Variants in CPA6 observed in about 807,000 individuals in gnomAD.
CPA6 encodes the protein carboxypeptidase B.
A neutral mutation model predicts 63.3 loss-of-function variants in CPA6; 58 were observed. The observed-to-expected ratio is 0.92, with a 90% CI of 0.74 to 1.14. The LOEUF (loss-of-function observed/expected upper bound fraction) is 1.14. Ranked by LOEUF, CPA6 falls within the 50% of genes most tolerant of loss-of-function variation. The pLI is 0.00. For missense variants in CPA6, 565 were observed against 526.6 expected (o/e 1.07, Z -0.71); for synonymous variants, 185 against 179.0 (o/e 1.03, Z -0.27).
chr8:67,743,150 G>C (rs906339920), intron 1 of CPA6, among the ~76,000 whole-genome samples: 2 of 152,106 alleles, frequency 1.3e-5, no homozygotes, highest in Non-Finnish European at 2.9e-5. Flanking sequence ...TTGACATAAA[G>C]TACCAATAAA....
At chr8:67,631,206 T>C in intron 1 of CPA6, among the ~76,000 whole-genome samples, 1 of 152,208 alleles carries the variant, frequency 6.6e-6, no homozygotes, top group East Asian at 1.9e-4. Flanking sequence ...CTTGGAGAAC[T>C]TTTATGTCTA....
chr8:67,521,783 G>A (rs535132899), intron 2 of CPA6, among the ~76,000 whole-genome samples: 12 of 152,254 alleles, frequency 7.9e-5, no homozygotes, highest in Admixed American at 2.6e-4. Flanking sequence ...CTAGCACAAA[G>A]TCAAATGGCT....
At chr8:67,478,009 G>T (rs995390121) in intron 8 of CPA6, among the ~76,000 whole-genome samples, 4 of 152,140 alleles carry the variant, frequency 2.6e-5, no homozygotes, top group African/African-American at 9.7e-5. Flanking sequence ...GTGGCTGGGG[G>T]TCCCTAGGGA....
At chr8:67,662,430 A>ACATACACACACGTATATGTATATATAG (rs1816131538) in intron 1 of CPA6, among the ~76,000 whole-genome samples, 5 of 145,162 alleles carry the variant, frequency 3.4e-5, no homozygotes, top group African/African-American at 1.3e-4. Flanking sequence ...TATATAGAAT[A>ACATACACACACGTATATGTATATATAG]CATACACACG....
intron 1 of CPA6, among the ~76,000 whole-genome samples, chr8:67,701,229 G>C (rs1004756600): frequency 6.6e-6 from 1 of 152,108 alleles, no homozygotes; most frequent in African/African-American, 2.4e-5. Flanking sequence ...TTGCTGCCTG[G>C]AACTTTGCAG....
intron 10 of CPA6, among the ~76,000 whole-genome samples, chr8:67,425,539 T>C (rs982128235): frequency 2.6e-5 from 4 of 152,122 alleles, no homozygotes; most frequent in Admixed American, 6.5e-5. Flanking sequence ...CATGCCCAGC[T>C]AATTTTTTGT....
At chr8:67,497,479 T>TA (rs1811744528) in intron 6 of CPA6, among the ~76,000 whole-genome samples, 1 of 152,176 alleles carries the variant, frequency 6.6e-6, no homozygotes, top group African/African-American at 2.4e-5. Flanking sequence ...GTTATACCAA[T>TA]AAAAAAACTA....
At chr8:67,606,464 C>T (rs932522728) in intron 2 of CPA6, among the ~76,000 whole-genome samples, 9 of 152,090 alleles carry the variant, frequency 5.9e-5, no homozygotes, top group African/African-American at 1.7e-4. Flanking sequence ...CAGTTTTCTC[C>T]AATAGGTCCA....
intron 2 of CPA6, among the ~76,000 whole-genome samples, chr8:67,588,984 G>A (rs886439603): frequency 6.6e-6 from 1 of 152,006 alleles, no homozygotes; most frequent in Non-Finnish European, 1.5e-5. Flanking sequence ...GGGCATGGTC[G>A]TTCATGCCTG....
At chr8:67,449,276 A>G (rs1810502315) in intron 8 of CPA6, among the ~76,000 whole-genome samples, 1 of 152,164 alleles carries the variant, frequency 6.6e-6, no homozygotes, top group South Asian at 2.1e-4. Context: ...AGTGTAATGC[A>G]TGTGTGGATC....
intron 2 of CPA6, among the ~76,000 whole-genome samples, chr8:67,584,945 C>T (rs765708655): frequency 1.3e-5 from 2 of 151,842 alleles, no homozygotes; most frequent in African/African-American, 2.4e-5. Context: ...TACCATTAGC[C>T]GATTAGCAAG....
At chr8:67,462,780 A>G (rs958665343) in intron 8 of CPA6, among the ~76,000 whole-genome samples, 2 of 152,222 alleles carry the variant, frequency 1.3e-5, no homozygotes, top group African/African-American at 4.8e-5. Flanking sequence ...AGATAGGTAG[A>G]GAAAAATACA....
At chr8:67,506,246 G>A (rs957505427) in intron 6 of CPA6, among the ~76,000 whole-genome samples, 7 of 152,144 alleles carry the variant, frequency 4.6e-5, no homozygotes, top group Non-Finnish European at 1.0e-4. Context: ...AGTCATCAAC[G>A]ATTAGGGTTA....
At chr8:67,663,492 A>G (rs565273479) in intron 1 of CPA6, among the ~76,000 whole-genome samples, 3 of 152,046 alleles carry the variant, frequency 2.0e-5, no homozygotes, top group Non-Finnish European at 4.4e-5. Flanking sequence ...CCCAACATGC[A>G]TTAGCTATTT....
chr8:67,733,152 G>A (rs1477333300), intron 1 of CPA6, among the ~76,000 whole-genome samples: 3 of 118,396 alleles, frequency 2.5e-5, no homozygotes, highest in Non-Finnish European at 4.9e-5. Flanking sequence ...GCCGAGATTC[G>A]CACCACTGCA....
chr8:67,560,445 C>T (rs1813180783), intron 2 of CPA6, among the ~76,000 whole-genome samples: 1 of 152,136 alleles, frequency 6.6e-6, no homozygotes, highest in South Asian at 2.1e-4. Flanking sequence ...TAACAGTCTT[C>T]TGCAAGTCCT....
At chr8:67,715,106 T>C (rs1028477136) in intron 1 of CPA6, among the ~76,000 whole-genome samples, 6 of 152,062 alleles carry the variant, frequency 3.9e-5, no homozygotes, top group African/African-American at 1.2e-4. Context: ...TTTTTCCCGA[T>C]ACAAACCAAT....
chr8:67,621,667 G>A (rs1232091976), intron 2 of CPA6, among the ~76,000 whole-genome samples: 1 of 152,204 alleles, frequency 6.6e-6, no homozygotes, highest in Non-Finnish European at 1.5e-5. Flanking sequence ...GTAGCATTGT[G>A]GCTGAGAGGA....
Position 67,628,249 on chromosome 8 carries a change from T to C in CPA6, c.117-3998A>G, listed in dbSNP as rs1343113594. The stretch of plus-strand genomic sequence containing the variant: ...AAGTTCTAAGACTGTGTTGCCTGGG[T>C]TTGACACCTCCCATATTGATTGCCA... On this transcript the variant is annotated intron_variant, in intron 1 of 10. Transcript: ENST00000297770. 2.6e-5 allele frequency among the ~76,000 whole-genome samples: 4 copies of C among 151,868 alleles called. No individual in the cohort carries two copies. The South Asian group carries it at 6.2e-4, about 24-fold the overall frequency.
Sources: allele counts gnomAD v4.1 joint callset (sites outside exome capture counted in the v4.1 genomes callset), GRCh38; gene constraint gnomAD v4.1.1; transcripts MANE v1.5; gene names NCBI Gene and HGNC (gene_info 2026-07-23, HGNC 2026-07-21).